FNBP1: variants seen among roughly 807,000 people sequenced by gnomAD.
FNBP1 encodes formin-binding protein 1.
A neutral mutation model predicts 90.6 loss-of-function variants in FNBP1; 26 were observed. The ratio of observed to expected loss-of-function variants is 0.29; its 90% CI spans 0.21 to 0.40. The LOEUF (loss-of-function observed/expected upper bound fraction) is 0.40, where lower values mean the gene tolerates loss of function less well. Ranked by LOEUF, FNBP1 falls within the 10% of genes least tolerant of loss-of-function variation. FNBP1 has a pLI of 1.00. For synonymous variants in FNBP1, 260 were observed against 265.2 expected (o/e 0.98, Z 0.19); for missense variants, 635 against 768.0 (o/e 0.83, Z 2.05).
Position 130,040,098 on chromosome 9 carries a change from C to T in FNBP1, c.24+2854G>A, listed in dbSNP as rs936139432. On this transcript the variant is annotated intron_variant, in intron 1 of 16. Transcript: ENST00000446176. ...CCCTCCGCTGGGCTACCCAATGTAC[C>T]GCACATCACCAAGTCTCTGACCACC... Among the ~76,000 whole-genome samples, 5 of 152,082 alleles carry T rather than the reference C, an allele frequency of 3.3e-5. No homozygotes were observed. In the East Asian group the frequency reaches 5.8e-4, roughly 18 times the overall value.
chr9:130,014,377 A>G (rs1438494633), intron 1 of FNBP1, among the ~76,000 whole-genome samples: 2 of 151,132 alleles, frequency 1.3e-5, no homozygotes, highest in African/African-American at 4.9e-5. Flanking sequence ...TCAGCCTCCC[A>G]AGTAGCTGGG....
At chr9:129,973,884 C>T (rs2049893999) in intron 4 of FNBP1, among the ~76,000 whole-genome samples, 1 of 151,514 alleles carries the variant, frequency 6.6e-6, no homozygotes, top group South Asian at 2.1e-4. Flanking sequence ...CATCTCAGCT[C>T]ACTGCAACCT....
chr9:129,930,058 AT>A (rs374886919), intron 6 of FNBP1, among the ~76,000 whole-genome samples: 1,663 of 138,202 alleles, frequency 0.012, 29 homozygotes, highest in African/African-American at 0.039. Context: ...TGAGAAATTC[AT>A]TTTTTTTTTT....
In FNBP1 at chr9:129,889,291, G is replaced by A. The variant is rs549184451; in HGVS notation, c.*1248C>T. 1 of 187,294 alleles carries A rather than the reference G, an allele frequency of 5.3e-6. No homozygotes were observed. The highest frequency in any genetic ancestry group is 8.6e-5 in the East Asian group (1 of 11,634). 11.6% of individuals were successfully genotyped at this position (187,294 alleles called of 1,614,324 possible). On this transcript the variant is annotated 3_prime_UTR_variant, in exon 17 of 17. Coordinates refer to ENST00000446176, the MANE Select transcript of FNBP1 (RefSeq NM_015033.3). ...TGGTGATGAAAGTGCTAACCTCGGC[G>A]GGGTGCGGTAGCTCACACCTGTAAT...
intron 13 of FNBP1, 118 bp downstream of exon 13, chr9:129,902,751 C>T: frequency 1.0e-6 from 1 of 970,386 alleles, no homozygotes; most frequent in Non-Finnish European, 1.5e-6. Flanking sequence ...CTGAAACAGC[C>T]TGCCATTCCC....
chr9:130,023,373 T>C (rs1423974904), intron 1 of FNBP1, among the ~76,000 whole-genome samples: 1 of 152,178 alleles, frequency 6.6e-6, no homozygotes, highest in Non-Finnish European at 1.5e-5. Context: ...CAGAGCTCAC[T>C]GGCGTGTGTA....
At chr9:129,907,253 G>A (rs1446293526) in intron 12 of FNBP1, among the ~76,000 whole-genome samples, 4 of 152,138 alleles carry the variant, frequency 2.6e-5, no homozygotes, top group Non-Finnish European at 5.9e-5. Context: ...ATTGCTTTGT[G>A]TATTGGGTTT....
chr9:130,005,340 GAT>G (rs1491417354), intron 1 of FNBP1, among the ~76,000 whole-genome samples: 1 of 103,576 alleles, frequency 9.7e-6, no homozygotes, highest in East Asian at 3.2e-4. Context: ...GACAAATTGA[GAT>G]TTTTTTTTTT....
intron 11 of FNBP1, among the ~76,000 whole-genome samples, chr9:129,911,764 C>T (rs1305137494): frequency 6.6e-6 from 1 of 151,908 alleles, no homozygotes; most frequent in East Asian, 1.9e-4. Context: ...AACTCTGTCT[C>T]GACTAAAGAC....
At chr9:129,958,441 G>GGA in intron 5 of FNBP1, 50 bp downstream of exon 5, 1 of 1,304,332 alleles carries the variant, frequency 7.7e-7, no homozygotes, top group Non-Finnish European at 1.1e-6. Flanking sequence ...CAAAAAAAAA[G>GGA]AAAAAAAAAT....
At chr9:130,053,854 C>T in the FNBP1 span, 2 of 1,396,616 alleles carry the variant, frequency 1.4e-6, no homozygotes, top group Non-Finnish European at 9.8e-7. Context: ...AGCCCCGCTC[C>T]CCGGGCCCTT....
chr9:129,932,431 G>T (rs1392012023), intron 6 of FNBP1, among the ~76,000 whole-genome samples: 1 of 151,956 alleles, frequency 6.6e-6, no homozygotes. Context: ...TGACTTGAAG[G>T]GTTAACCTGA....
rs570287135 is a variant in FNBP1 at position 129,995,870 on chromosome 9, A to C, written c.25-912T>G. On this transcript the variant is annotated intron_variant, in intron 1 of 16. Coordinates refer to ENST00000446176, the MANE Select transcript of FNBP1 (RefSeq NM_015033.3). ...CAAGGCCTTGAAGGACGAGCTTAGGAGTTTAGACTCTCCAGCAGGCACAAG... is the reference window on the plus strand; with the variant it reads ...CAAGGCCTTGAAGGACGAGCTTAGGCGTTTAGACTCTCCAGCAGGCACAAG... Among the ~76,000 whole-genome samples the C allele has an allele frequency of 1.1e-4, 16 of 152,296 alleles. No individual in the cohort carries two copies. The South Asian group carries it at 3.3e-3, about 32-fold the overall frequency.
intron 10 of FNBP1, among the ~76,000 whole-genome samples, chr9:129,918,078 C>T (rs942015235): frequency 6.6e-6 from 1 of 152,168 alleles, no homozygotes; most frequent in African/African-American, 2.4e-5. Flanking sequence ...GTTATATATT[C>T]TTTCTTAAGC....
chr9:130,036,604 T>C (rs1184392789), intron 1 of FNBP1, among the ~76,000 whole-genome samples: 1 of 152,196 alleles, frequency 6.6e-6, no homozygotes, highest in Admixed American at 6.5e-5. Flanking sequence ...AAATTTGTTC[T>C]CATGGAGAAG....
At chr9:130,003,981 G>C in intron 1 of FNBP1, among the ~76,000 whole-genome samples, 1 of 150,046 alleles carries the variant, frequency 6.7e-6, no homozygotes, top group East Asian at 2.0e-4. Context: ...CAGAAGAGTT[G>C]TCACAGGAAC....
At chr9:129,925,199 T>A in intron 8 of FNBP1, 42 bp from the exon 9 acceptor site, 2 of 1,511,098 alleles carry the variant, frequency 1.3e-6, no homozygotes, top group African/African-American at 1.4e-5. Flanking sequence ...TTCAGAAGCA[T>A]GCAAACACTT....
At chr9:129,959,878 TCTGG>T (rs1167426607) in intron 4 of FNBP1, among the ~76,000 whole-genome samples, 1 of 152,140 alleles carries the variant, frequency 6.6e-6, no homozygotes, top group Non-Finnish European at 1.5e-5. Context: ...ATTTGTTTAT[TCTGG>T]CTGTTTCCTA....
intron 1 of FNBP1, among the ~76,000 whole-genome samples, chr9:130,024,723 A>C (rs1335517488): frequency 6.6e-6 from 1 of 152,188 alleles, no homozygotes; most frequent in Non-Finnish European, 1.5e-5. Context: ...CCATCGTATC[A>C]TCCTGTTTTT....
Sources: gnomAD v4.1 joint callset for allele counts (sites outside exome capture counted in the v4.1 genomes callset) on GRCh38, gnomAD v4.1.1 for gene constraint, MANE v1.5 for transcripts, NCBI Gene and HGNC (gene_info 2026-07-23, HGNC 2026-07-21) for gene names.